The following SEZ6L variants were observed in gnomAD, a reference collection of about 807,000 sequenced individuals.
SEZ6L encodes the protein seizure related 6 homolog like, also known as seizure 6-like protein.
Under a neutral mutation model 106.2 loss-of-function variants are expected in SEZ6L, and 37 were observed. That is an observed-to-expected ratio of 0.35 (90% CI 0.27 to 0.46). SEZ6L has a LOEUF of 0.46. SEZ6L is among the 20% of genes least tolerant of loss of function. The pLI, the probability that SEZ6L is intolerant of heterozygous loss-of-function variation, is 1.00. For synonymous variants in SEZ6L, 541 were observed against 570.4 expected, an observed-to-expected ratio of 0.95 and a Z score of 0.73; for missense variants, 1,172 against 1,332.8, an observed-to-expected ratio of 0.88 and a Z score of 1.88.
intron 1 of SEZ6L, among the ~76,000 whole-genome samples, chr22:26,225,049 T>C (rs1244201249): frequency 6.6e-6 from 1 of 152,080 alleles, no homozygotes; most frequent in Non-Finnish European, 1.5e-5. Context: ...ATGAAAAAAA[T>C]CAATGTTTGA....
chr22:26,309,043 CTG>C (rs2081730933), intron 6 of SEZ6L, among the ~76,000 whole-genome samples: 1 of 152,186 alleles, frequency 6.6e-6, no homozygotes, highest in African/African-American at 2.4e-5. Context: ...AATAAACAAA[CTG>C]TGGCTGCAAC....
chr22:26,220,777 G>T (rs913919045), intron 1 of SEZ6L, among the ~76,000 whole-genome samples: 1 of 152,180 alleles, frequency 6.6e-6, no homozygotes, highest in African/African-American at 2.4e-5. Flanking sequence ...GCTTAGCATG[G>T]GGTTTAGCAC....
At chr22:26,266,437 G>A (rs1009510472) in intron 1 of SEZ6L, among the ~76,000 whole-genome samples, 3 of 151,330 alleles carry the variant, frequency 2.0e-5, no homozygotes, top group Non-Finnish European at 4.4e-5. Flanking sequence ...GCCGGGCGTG[G>A]TGGTGGGCGC....
chr22:26,375,377 A>G (rs2084184977), intron 14 of SEZ6L, among the ~76,000 whole-genome samples, 198 bp from the exon 15 acceptor site: 2 of 152,148 alleles, frequency 1.3e-5, no homozygotes, highest in Admixed American at 1.3e-4. Context: ...AACCCACCAA[A>G]GGATGAGTCT....
At chr22:26,300,569 C>G (rs776586501) in intron 5 of SEZ6L, among the ~76,000 whole-genome samples, 10 of 152,184 alleles carry the variant, frequency 6.6e-5, no homozygotes, top group Non-Finnish European at 7.3e-5. Context: ...GGACATTTGG[C>G]TTGGTTCCAA....
At chr22:26,245,230 G>T (rs891730417) in intron 1 of SEZ6L, among the ~76,000 whole-genome samples, 11 of 152,230 alleles carry the variant, frequency 7.2e-5, no homozygotes, top group Admixed American at 7.2e-4. Context: ...CTGTAGCCAA[G>T]GTAGCTATGC....
chr22:26,347,675 C>G, intron 10 of SEZ6L, 44 bp from the exon 11 acceptor site: 2 of 1,533,844 alleles, frequency 1.3e-6, no homozygotes, highest in South Asian at 1.2e-5. Flanking sequence ...GCCCCGACAA[C>G]AAGACTGCTT....
At chr22:26,233,329 C>T (rs2078858542) in intron 1 of SEZ6L, among the ~76,000 whole-genome samples, 1 of 152,202 alleles carries the variant, frequency 6.6e-6, no homozygotes, top group African/African-American at 2.4e-5. Context: ...TCCCCCCTGG[C>T]ACATCTTTGC....
At chr22:26,250,850 C>G (rs969429870) in intron 1 of SEZ6L, among the ~76,000 whole-genome samples, 1 of 152,034 alleles carries the variant, frequency 6.6e-6, no homozygotes, top group Non-Finnish European at 1.5e-5. Flanking sequence ...GTGTTCATAG[C>G]TTTCCTTATA....
chr22:26,353,011 T>C (rs764424643), intron 12 of SEZ6L, among the ~76,000 whole-genome samples: 1 of 152,236 alleles, frequency 6.6e-6, no homozygotes, highest in Non-Finnish European at 1.5e-5. Flanking sequence ...CATCTGATCC[T>C]TTTCTTGTGA....
At chr22:26,240,389 CT>C (rs975582943) in intron 1 of SEZ6L, among the ~76,000 whole-genome samples, 19 of 152,198 alleles carry the variant, frequency 1.2e-4, no homozygotes, top group Admixed American at 8.5e-4. Context: ...AATCAGCCCC[CT>C]ATTCCTTGTC....
chr22:26,339,780 G>T (rs543067664), intron 9 of SEZ6L, among the ~76,000 whole-genome samples: 34 of 152,336 alleles, frequency 2.2e-4, no homozygotes, highest in African/African-American at 3.4e-4. Flanking sequence ...AAAGATGCAG[G>T]TCATAGCCCC....
chr22:26,244,072 A>G (rs2079236922), intron 1 of SEZ6L, among the ~76,000 whole-genome samples: 1 of 152,120 alleles, frequency 6.6e-6, no homozygotes, highest in African/African-American at 2.4e-5. Context: ...CTGAAGCAGC[A>G]GGATCACTTG....
At chr22:26,270,463 G>GGTGTGTGTGTGTGTGT (rs60049781) in intron 1 of SEZ6L, among the ~76,000 whole-genome samples, 3 of 146,264 alleles carry the variant, frequency 2.1e-5, no homozygotes, top group African/African-American at 7.6e-5. Flanking sequence ...AATTGTGAGG[G>GGTGTGTGTGTGTGTGT]GTGTGTGTGT....
At chr22:26,202,816 G>A (rs967036964) in intron 1 of SEZ6L, among the ~76,000 whole-genome samples, 15 of 152,136 alleles carry the variant, frequency 9.9e-5, no homozygotes, top group South Asian at 2.1e-4. Context: ...GTAGTATCGA[G>A]CTTGCATAGG....
Position 26,373,484 on chromosome 22 carries a change from GT to G in SEZ6L, c.2827+2del. The G allele has an allele frequency of 6.3e-7, 1 of 1,582,376 alleles. No individual in the cohort carries two copies. Among genetic ancestry groups the G allele is most frequent in the Non-Finnish European group, 8.6e-7 (1 of 1,167,658 alleles). On this transcript the variant is annotated splice_donor_variant, in intron 14 of 16. Coordinates refer to ENST00000248933, the MANE Select transcript of SEZ6L (RefSeq NM_021115.5). LOFTEE classifies it high-confidence loss of function. ...GACAGTTTTGAACATGCTTTAGAAG[GT>G]GAGTTCCAGAACGAAAAAAAAAAAA...
In SEZ6L at chr22:26,306,039, C is replaced by T. The variant is rs751863540; in HGVS notation, c.1409C>T (p.Pro470Leu). ...TIGRVLSPSY[P>L]ENTNGSQFCI... Reference sequence around the variant, plus strand: ...GGCCGCGTCCTCTCCCCAAGTTACCCTGAAAACACAAATGGGAGCCAATTC... The same window carrying T: ...GGCCGCGTCCTCTCCCCAAGTTACCTTGAAAACACAAATGGGAGCCAATTC... The change falls in exon 6 of 17, where the codon CCT (proline) becomes CTT (leucine). Residue 470 changes from proline (P) to leucine (L), a missense_variant. Around this residue, in one of 4 missense-constraint regions of SEZ6L, gnomAD observed 534 missense variants for 691.0 expected, o/e 0.77. Transcript: ENST00000248933. 1 of 1,614,152 alleles carries T rather than the reference C, an allele frequency of 6.2e-7. No homozygotes were observed.
chr22:26,277,726 T>C (rs1020574068), intron 1 of SEZ6L, among the ~76,000 whole-genome samples: 3 of 152,182 alleles, frequency 2.0e-5, no homozygotes, highest in Non-Finnish European at 2.9e-5. Flanking sequence ...TTGTGATTCA[T>C]TAAATAGATG....
rs1367580294 is a variant in SEZ6L, at chr22:26,351,258, A to C, written c.2599+15A>C. On this transcript the variant is annotated intron_variant, in intron 12 of 16. Transcript: ENST00000248933. ...CCACTGCGTTTGTGAGTCCTGTTTAATGAATTGGGCCCCCAGTAGGTAGAA... is the reference window on the plus strand; with the variant it reads ...CCACTGCGTTTGTGAGTCCTGTTTACTGAATTGGGCCCCCAGTAGGTAGAA... 6.2e-7 allele frequency: 1 copy of C among 1,611,022 alleles called. No homozygotes were observed. Among genetic ancestry groups the C allele is most frequent in the Admixed American group, 1.7e-5 (1 of 59,818 alleles).
Sources: allele counts gnomAD v4.1 joint callset (sites outside exome capture counted in the v4.1 genomes callset), GRCh38; gene constraint gnomAD v4.1.1; regional missense constraint gnomAD v4.1.1; transcripts MANE v1.5; gene names NCBI Gene and HGNC (gene_info 2026-07-23, HGNC 2026-07-21).